The following SH3GL2 variants were observed in gnomAD, a reference collection of about 807,000 sequenced individuals.
SH3GL2 encodes the protein SH3 domain containing GRB2 like 2, endophilin A1, also known as endophilin-A1.
In SH3GL2, 24 loss-of-function variants were observed where a neutral mutation model predicts 46.0. The ratio of observed to expected loss-of-function variants is 0.52; its 90% CI spans 0.38 to 0.73. The LOEUF (loss-of-function observed/expected upper bound fraction) is 0.73, where lower values mean the gene tolerates loss of function less well. Among genes scored for constraint, SH3GL2 ranks in the 30% least tolerant of loss-of-function variants. The pLI, the probability that SH3GL2 is intolerant of heterozygous loss-of-function variation, is 0.00. For synonymous variants in SH3GL2, 196 were observed against 147.1 expected (o/e 1.33, Z -2.40); for missense variants, 413 against 424.2 (o/e 0.97, Z 0.23).
chr9:17,600,296 C>T (rs1364834161), intron 1 of SH3GL2, among the ~76,000 whole-genome samples: 1 of 152,088 alleles, frequency 6.6e-6, no homozygotes, highest in East Asian at 1.9e-4. Flanking sequence ...ATTAAATGTC[C>T]TATGTTCTTC....
At chr9:17,779,125 C>G (rs764043332) in intron 3 of SH3GL2, among the ~76,000 whole-genome samples, 1 of 152,080 alleles carries the variant, frequency 6.6e-6, no homozygotes, top group Non-Finnish European at 1.5e-5. Context: ...ACTTCAGGGC[C>G]CAGGCTTGCT....
intron 1 of SH3GL2, among the ~76,000 whole-genome samples, chr9:17,704,973 T>G (rs890245640): frequency 6.6e-6 from 1 of 151,750 alleles, no homozygotes; most frequent in Non-Finnish European, 1.5e-5. Flanking sequence ...ATCTACAGAA[T>G]GGGAGAAAAT....
In SH3GL2 at chr9:17,580,734, C is replaced by T. The variant is rs376066169; in HGVS notation, c.45+1447C>T. Among the ~76,000 whole-genome samples the T allele has an allele frequency of 9.2e-5, 14 of 152,192 alleles. No individual in the cohort carries two copies. In the East Asian group the frequency reaches 9.6e-4, roughly 10 times the overall value. The stretch of plus-strand genomic sequence containing the variant: ...GTTCTTTCAGGTTTACAGAACCAAG[C>T]ATATGTGCTGCCCAGGAATTCTGTG... On this transcript the variant is annotated intron_variant, in intron 1 of 8. Coordinates refer to ENST00000380607, the MANE Select transcript of SH3GL2 (RefSeq NM_003026.5).
chr9:17,591,484 T>C (rs1325380870), intron 1 of SH3GL2, among the ~76,000 whole-genome samples: 1 of 152,070 alleles, frequency 6.6e-6, no homozygotes, highest in East Asian at 1.9e-4. Context: ...CTTATTTAGA[T>C]TACATAAATT....
intron 1 of SH3GL2, among the ~76,000 whole-genome samples, chr9:17,744,464 C>T (rs1334474329): frequency 1.3e-5 from 2 of 151,906 alleles, no homozygotes; most frequent in East Asian, 3.9e-4. Flanking sequence ...CTCCTGAGCT[C>T]AAGCAATTCT....
At chr9:17,623,075 C>T (rs1357365586) in intron 1 of SH3GL2, among the ~76,000 whole-genome samples, 1 of 138,658 alleles carries the variant, frequency 7.2e-6, no homozygotes, top group Non-Finnish European at 1.5e-5. Context: ...CTTCCCCTTC[C>T]CCTTCCCCTT....
chr9:17,692,328 A>G (rs79886837), intron 1 of SH3GL2, among the ~76,000 whole-genome samples: 4,304 of 151,564 alleles, frequency 0.028, 188 homozygotes, highest in African/African-American at 0.099. Context: ...TTAAGAAACT[A>G]TTACATGTGC....
chr9:17,769,575 C>G (rs1252880738), intron 3 of SH3GL2, among the ~76,000 whole-genome samples: 1 of 152,098 alleles, frequency 6.6e-6, no homozygotes, highest in Non-Finnish European at 1.5e-5. Flanking sequence ...TTCTCCAGCT[C>G]CTGTTAATGT....
intron 2 of SH3GL2, among the ~76,000 whole-genome samples, chr9:17,749,180 T>C (rs1822775146): frequency 5.9e-5 from 9 of 152,326 alleles, no homozygotes; most frequent in Admixed American, 5.2e-4. Context: ...TTCTCATCTC[T>C]GGATGGTTCT....
intron 3 of SH3GL2, among the ~76,000 whole-genome samples, chr9:17,778,071 A>G: frequency 6.6e-6 from 1 of 152,158 alleles, no homozygotes; most frequent in Non-Finnish European, 1.5e-5. Flanking sequence ...ACATACTTCC[A>G]TAACACAATT....
chr9:17,681,229 G>A (rs995852068), intron 1 of SH3GL2, among the ~76,000 whole-genome samples: 18 of 152,130 alleles, frequency 1.2e-4, no homozygotes, highest in Non-Finnish European at 2.2e-4. Flanking sequence ...GTAGGAAGAG[G>A]TAAGTGGCAA....
In SH3GL2 at chr9:17,750,113, G is replaced by T. The variant is rs557621012; in HGVS notation, c.114+2979G>T. Among the ~76,000 whole-genome samples the T allele has an allele frequency of 1.2e-4, 18 of 152,242 alleles. 1 individual carries two copies. The South Asian group carries it at 3.1e-3, about 26-fold the overall frequency. On this transcript the variant is annotated intron_variant, in intron 2 of 8. Transcript: ENST00000380607. ...CACTCATGCTAAATTTACATGAATAGTATAAGATTTCTGTGGTAATTGAAA... is the reference window on the plus strand; with the variant it reads ...CACTCATGCTAAATTTACATGAATATTATAAGATTTCTGTGGTAATTGAAA...
At chr9:17,653,888 GA>G (rs1291147886) in intron 1 of SH3GL2, 38 of 972,968 alleles carry the variant, frequency 3.9e-5, no homozygotes, top group Non-Finnish European at 4.5e-5. Context: ...GAAGGTATGT[GA>G]TGACCTATCT....
intron 1 of SH3GL2, among the ~76,000 whole-genome samples, chr9:17,618,260 G>A (rs112646203): frequency 1.1e-3 from 164 of 151,676 alleles, no homozygotes; most frequent in African/African-American, 3.6e-3. Flanking sequence ...GCAATGCACA[G>A]GACAAAAAAA....
At chr9:17,618,123 G>T (rs1172543830) in intron 1 of SH3GL2, among the ~76,000 whole-genome samples, 4 of 152,106 alleles carry the variant, frequency 2.6e-5, no homozygotes, top group Admixed American at 6.5e-5. Context: ...GTTCTCAACC[G>T]GGGATGATTT....
intron 3 of SH3GL2, among the ~76,000 whole-genome samples, chr9:17,777,539 G>C (rs919837276): frequency 6.6e-6 from 1 of 152,052 alleles, no homozygotes; most frequent in Non-Finnish European, 1.5e-5. Flanking sequence ...ATAAATAATA[G>C]AAATTTATTT....
intron 1 of SH3GL2, among the ~76,000 whole-genome samples, chr9:17,697,038 C>CATA (rs768630557): frequency 0.08 from 12,093 of 152,108 alleles, 637 homozygotes; most frequent in Admixed American, 0.14. Context: ...TTGATACTGT[C>CATA]CTGGGCTGAC....
At chr9:17,735,797 G>A in intron 1 of SH3GL2, 1 of 906,032 alleles carries the variant, frequency 1.1e-6, no homozygotes, top group Non-Finnish European at 1.3e-6. Context: ...AGGAAAGAAG[G>A]GCTTAAGTTA....
intron 1 of SH3GL2, among the ~76,000 whole-genome samples, chr9:17,586,024 ATACTT>A (rs1310301702): frequency 1.3e-5 from 2 of 152,246 alleles, no homozygotes; most frequent in Non-Finnish European, 2.9e-5. Context: ...AGCTATAACT[ATACTT>A]ATTAAAATGC....
Sources: gnomAD v4.1 joint callset for allele counts (sites outside exome capture counted in the v4.1 genomes callset) on GRCh38, gnomAD v4.1.1 for gene constraint, MANE v1.5 for transcripts, NCBI Gene and HGNC (gene_info 2026-07-23, HGNC 2026-07-21) for gene names.